EHBP1: variants seen among roughly 807,000 people sequenced by gnomAD.
EHBP1 encodes the protein EH domain-binding protein 1.
Under a neutral mutation model 144.0 loss-of-function variants are expected in EHBP1, and 55 were observed. The observed-to-expected ratio is 0.38, with a 90% CI of 0.31 to 0.48. The LOEUF is 0.48. Among genes scored for constraint, EHBP1 ranks in the 20% least tolerant of loss-of-function variants. EHBP1 has a pLI of 0.98. For missense variants in EHBP1, 1,200 were observed against 1,364.2 expected, an observed-to-expected ratio of 0.88 and a Z score of 1.90; for synonymous variants, 469 against 472.7, an observed-to-expected ratio of 0.99 and a Z score of 0.10.
intron 2 of EHBP1, among the ~76,000 whole-genome samples, chr2:62,716,617 T>G (rs77628138): frequency 2.0e-4 from 31 of 152,374 alleles, no homozygotes; most frequent in Non-Finnish European, 4.0e-4. Flanking sequence ...ATTTATACTT[T>G]ACCATCATCT....
chr2:62,938,145 G>C (rs1009678780), intron 10 of EHBP1, among the ~76,000 whole-genome samples: 1 of 152,074 alleles, frequency 6.6e-6, no homozygotes, highest in Non-Finnish European at 1.5e-5. Context: ...ATGAAAATGA[G>C]CAGGTTGTAA....
rs150393540 is a variant in EHBP1 at position 62,950,091 on chromosome 2, C to A, written c.2316+929C>A. ...AAAGTTTTTCACATTTAGAATCCAG[C>A]TCTTCTGAATCACTTTTTGATTTAG... On this transcript the variant is annotated intron_variant, in intron 13 of 22. Coordinates refer to ENST00000431489, the MANE Select transcript of EHBP1 (RefSeq NM_001142616.3). Among the ~76,000 whole-genome samples, 30 of 151,688 alleles carry A rather than the reference C, an allele frequency of 2.0e-4. 1 individual carries two copies. In the East Asian group the frequency reaches 5.4e-3, roughly 27 times the overall value.
intron 2 of EHBP1, among the ~76,000 whole-genome samples, chr2:62,726,377 G>A (rs557486762): frequency 6.6e-6 from 1 of 152,288 alleles, no homozygotes; most frequent in South Asian, 2.1e-4. Flanking sequence ...AATGATTACT[G>A]GTGTGCGGTA....
At chr2:62,782,423 T>C (rs1439514647) in intron 5 of EHBP1, among the ~76,000 whole-genome samples, 1 of 152,204 alleles carries the variant, frequency 6.6e-6, no homozygotes, top group African/African-American at 2.4e-5. Flanking sequence ...TGTAAGTTTT[T>C]TTCTCGGATA....
chr2:62,920,079 G>A (rs1224868024), intron 10 of EHBP1, among the ~76,000 whole-genome samples: 1 of 152,022 alleles, frequency 6.6e-6, no homozygotes, highest in Non-Finnish European at 1.5e-5. Context: ...AAGAGATAAT[G>A]GCTAAAACTT....
intron 5 of EHBP1, among the ~76,000 whole-genome samples, chr2:62,823,263 A>C (rs1445911497): frequency 6.6e-6 from 1 of 152,140 alleles, no homozygotes; most frequent in Non-Finnish European, 1.5e-5. Flanking sequence ...TGCACATACG[A>C]ACTGATGTTT....
chr2:62,805,381 C>A (rs1181773873), intron 5 of EHBP1, among the ~76,000 whole-genome samples: 1 of 149,170 alleles, frequency 6.7e-6, no homozygotes, highest in East Asian at 1.9e-4. Context: ...AAAATAAATA[C>A]AAATAAAGTA....
intron 5 of EHBP1, among the ~76,000 whole-genome samples, chr2:62,789,253 C>T (rs1034878960): frequency 6.6e-6 from 1 of 152,180 alleles, no homozygotes; most frequent in African/African-American, 2.4e-5. Context: ...ATTAGGAAGA[C>T]ACAAACACAT....
intron 19 of EHBP1, among the ~76,000 whole-genome samples, chr2:63,023,239 G>A (rs991222369): frequency 6.6e-6 from 1 of 152,102 alleles, no homozygotes; most frequent in Non-Finnish European, 1.5e-5. Flanking sequence ...TGTTTGTAAT[G>A]TTTGCTTAAT....
At chr2:62,872,490 A>G (rs550066448) in intron 9 of EHBP1, among the ~76,000 whole-genome samples, 1 of 152,230 alleles carries the variant, frequency 6.6e-6, no homozygotes, top group Admixed American at 6.5e-5. Flanking sequence ...ATTAATCAGC[A>G]AGTATGTAAC....
intron 14 of EHBP1, among the ~76,000 whole-genome samples, chr2:62,974,459 C>T (rs1428584569): frequency 6.6e-6 from 1 of 152,180 alleles, no homozygotes; most frequent in Non-Finnish European, 1.5e-5. Flanking sequence ...CAGAAATCTT[C>T]ACCATGACAA....
intron 7 of EHBP1, among the ~76,000 whole-genome samples, chr2:62,842,501 C>T (rs778020699): frequency 3.3e-5 from 5 of 152,162 alleles, no homozygotes; most frequent in Non-Finnish European, 5.9e-5. Context: ...TAAGTTCCAA[C>T]ATAGGAATTT....
chr2:62,927,908 TAAC>T (rs991947107), intron 10 of EHBP1, among the ~76,000 whole-genome samples: 2 of 152,092 alleles, frequency 1.3e-5, no homozygotes, highest in Non-Finnish European at 2.9e-5. Flanking sequence ...TCTTTTCTGA[TAAC>T]AACATATGAA....
Position 62,799,705 on chromosome 2 carries a change from G to A in EHBP1, c.313-26382G>A, listed in dbSNP as rs74963082. 1.7e-3 allele frequency among the ~76,000 whole-genome samples: 260 copies of A among 152,146 alleles called. 2 individuals are homozygous for A. The highest frequency in any genetic ancestry group is 2.7e-3 in the Non-Finnish European group (185 of 68,012). On this transcript the variant is annotated intron_variant, in intron 5 of 22. Coordinates refer to ENST00000431489, the MANE Select transcript of EHBP1 (RefSeq NM_001142616.3). ...AGGACCTGAATACCTTCTTACCCTCGCCTTTGAATTACCTATAGGGGGAAA... is the reference window on the plus strand; with the variant it reads ...AGGACCTGAATACCTTCTTACCCTCACCTTTGAATTACCTATAGGGGGAAA...
chr2:62,945,957 A>G (rs1342829925), intron 12 of EHBP1, among the ~76,000 whole-genome samples: 1 of 151,742 alleles, frequency 6.6e-6, no homozygotes, highest in Non-Finnish European at 1.5e-5. Flanking sequence ...ATTCTTGTAT[A>G]ATTTTGGAGA....
At chr2:62,828,947 C>T (rs774495015) in intron 6 of EHBP1, among the ~76,000 whole-genome samples, 2 of 151,920 alleles carry the variant, frequency 1.3e-5, no homozygotes, top group Non-Finnish European at 2.9e-5. Flanking sequence ...CAAGACCCCC[C>T]TCTCTACAGA....
intron 6 of EHBP1, among the ~76,000 whole-genome samples, chr2:62,830,516 G>C (rs1270186074): frequency 6.6e-6 from 1 of 152,030 alleles, no homozygotes; most frequent in African/African-American, 2.4e-5. Context: ...TTGTTCATTT[G>C]TTTGACTTCC....
intron 14 of EHBP1, among the ~76,000 whole-genome samples, chr2:62,962,245 G>T (rs1277287762): frequency 6.6e-6 from 1 of 152,198 alleles, no homozygotes; most frequent in Non-Finnish European, 1.5e-5. Flanking sequence ...GGAATCGCTT[G>T]AACCCAGGAG....
At chr2:62,879,210 A>G (rs1282995921) in intron 10 of EHBP1, among the ~76,000 whole-genome samples, 5 of 152,158 alleles carry the variant, frequency 3.3e-5, no homozygotes, top group Admixed American at 6.5e-5. Flanking sequence ...AGCTGGAAGT[A>G]TTCCCCTTGA....
Sources: allele counts gnomAD v4.1 joint callset (sites outside exome capture counted in the v4.1 genomes callset), GRCh38; gene constraint gnomAD v4.1.1; transcripts MANE v1.5; gene names NCBI Gene and HGNC (gene_info 2026-07-23, HGNC 2026-07-21).